SBF2: variants seen among roughly 807,000 people sequenced by gnomAD.
The protein encoded by SBF2 is myotubularin-related protein 13.
In SBF2, 112 loss-of-function variants were observed where a neutral mutation model predicts 225.2. The ratio of observed to expected loss-of-function variants is 0.50; its 90% CI spans 0.43 to 0.58. SBF2 has a LOEUF of 0.58. SBF2 is among the 20% of genes least tolerant of loss of function. The pLI is 0.00. For synonymous variants in SBF2, 763 were observed against 773.3 expected (o/e 0.99, Z 0.22); for missense variants, 1,996 against 2,206.2 (o/e 0.90, Z 1.91).
intron 16 of SBF2, among the ~76,000 whole-genome samples, chr11:9,935,943 A>G (rs899054744): frequency 7.2e-5 from 11 of 152,218 alleles, no homozygotes; most frequent in Admixed American, 7.2e-4. Context: ...CAACAAAACC[A>G]AAATAGACAA....
chr11:10,113,672 A>G (rs1441592547), intron 2 of SBF2, among the ~76,000 whole-genome samples: 1 of 152,130 alleles, frequency 6.6e-6, no homozygotes, highest in African/African-American at 2.4e-5. Flanking sequence ...TACATTAGGT[A>G]GAGATGTGTG....
At chr11:9,906,657 C>T (rs1486437884) in intron 16 of SBF2, among the ~76,000 whole-genome samples, 1 of 152,116 alleles carries the variant, frequency 6.6e-6, no homozygotes, top group Non-Finnish European at 1.5e-5. Flanking sequence ...ACACAGCAAC[C>T]GCATTCCAGA....
intron 16 of SBF2, among the ~76,000 whole-genome samples, chr11:9,926,623 C>T (rs1363190400): frequency 6.6e-6 from 1 of 151,890 alleles, no homozygotes; most frequent in Non-Finnish European, 1.5e-5. Context: ...ATAATATAAA[C>T]TACATAACAT....
intron 2 of SBF2, among the ~76,000 whole-genome samples, chr11:10,167,434 T>C (rs987285851): frequency 5.3e-5 from 8 of 152,280 alleles, no homozygotes; most frequent in African/African-American, 1.9e-4. Context: ...CTGGGCAAGG[T>C]GGCTCATGCC....
intron 32 of SBF2, among the ~76,000 whole-genome samples, chr11:9,805,245 C>A (rs374916401): frequency 1.3e-3 from 184 of 136,922 alleles, no homozygotes; most frequent in South Asian, 1.2e-3. Flanking sequence ...GACTCTGTCT[C>A]AAAAAAAAAA....
chr11:9,802,798 A>G (rs1446994732), intron 32 of SBF2, among the ~76,000 whole-genome samples: 1 of 152,242 alleles, frequency 6.6e-6, no homozygotes, highest in Non-Finnish European at 1.5e-5. Flanking sequence ...TTTGCTAACT[A>G]TAGTCTTCTT....
chr11:9,798,357 C>T (rs944175383), intron 32 of SBF2, among the ~76,000 whole-genome samples: 1 of 152,156 alleles, frequency 6.6e-6, no homozygotes, highest in Non-Finnish European at 1.5e-5. Context: ...AACAGCCCCA[C>T]CCCAAGGAGC....
chr11:10,186,371 GA>G (rs1222857969), intron 2 of SBF2, among the ~76,000 whole-genome samples: 1 of 152,154 alleles, frequency 6.6e-6, no homozygotes, highest in East Asian at 1.9e-4. Flanking sequence ...CTGTCTCTAA[GA>G]AAAATAAGAA....
chr11:10,231,958 A>T (rs1958868582), intron 1 of SBF2, among the ~76,000 whole-genome samples: 1 of 152,322 alleles, frequency 6.6e-6, no homozygotes, highest in South Asian at 2.1e-4. Context: ...GGCTCCACCC[A>T]GTTCGAGCTT....
intron 6 of SBF2, among the ~76,000 whole-genome samples, chr11:10,021,989 T>G (rs1302755241): frequency 6.6e-6 from 1 of 152,208 alleles, no homozygotes; most frequent in Non-Finnish European, 1.5e-5. Flanking sequence ...CAAAAGATAA[T>G]GAAGCTGAAA....
intron 2 of SBF2, among the ~76,000 whole-genome samples, chr11:10,119,647 G>A (rs1312913067): frequency 1.3e-5 from 2 of 151,948 alleles, no homozygotes; most frequent in Non-Finnish European, 2.9e-5. Flanking sequence ...AACTCTGATG[G>A]CTAAATTAAT....
chr11:9,817,013 T>C lies in SBF2; in HGVS notation c.3805A>G (p.Ser1269Gly), dbSNP rs1221684685. The C allele has an allele frequency of 1.2e-6, 2 of 1,614,110 alleles. No homozygotes were observed. Among genetic ancestry groups the C allele is most frequent in the South Asian group, 2.2e-5 (2 of 91,076 alleles). ...AFALSPGVWA[S>G]LRSSTRLISS... ...ATCAAGCGAGTGCTAGAGCGAAGAC[T>C]TGCCCACACACCTTCACAAAAGCCA... The change falls in exon 29 of 40, where the codon AGT becomes GGT. Residue 1269 changes from serine (S) to glycine (G), a missense_variant. By Grantham distance (56) the Ser-to-Gly change is moderately conservative. Transcript: ENST00000256190.
chr11:10,210,338 AAGAAG>A (rs1005030594), intron 1 of SBF2, among the ~76,000 whole-genome samples: 2 of 151,844 alleles, frequency 1.3e-5, no homozygotes, highest in Non-Finnish European at 2.9e-5. Flanking sequence ...GAAAAGAAAG[AAGAAG>A]AGAAGAGGAA....
intron 2 of SBF2, among the ~76,000 whole-genome samples, chr11:10,173,296 G>A (rs994865515): frequency 2.6e-5 from 4 of 152,166 alleles, no homozygotes; most frequent in African/African-American, 9.7e-5. Context: ...CAGGTCAGTG[G>A]GTGCGTGCAC....
intron 2 of SBF2, among the ~76,000 whole-genome samples, chr11:10,078,461 G>A (rs1255431527): frequency 6.6e-6 from 1 of 152,168 alleles, no homozygotes; most frequent in Non-Finnish European, 1.5e-5. Flanking sequence ...AAAAAAGGAT[G>A]AGTTCATGTC....
intron 33 of SBF2, among the ~76,000 whole-genome samples, chr11:9,791,653 T>C (rs911873304): frequency 6.6e-6 from 1 of 152,216 alleles, no homozygotes; most frequent in African/African-American, 2.4e-5. Flanking sequence ...GCCCGAGATA[T>C]TAGTTATTTT....
chr11:10,063,379 A>T (rs953687046), intron 2 of SBF2, among the ~76,000 whole-genome samples: 2 of 149,504 alleles, frequency 1.3e-5, no homozygotes, highest in African/African-American at 4.9e-5. Flanking sequence ...TTTTTTTGAG[A>T]CAGAGTCTTG....
chr11:9,925,435 G>A (rs560825402), intron 16 of SBF2, among the ~76,000 whole-genome samples: 69 of 152,184 alleles, frequency 4.5e-4, no homozygotes, highest in African/African-American at 1.6e-3. Context: ...GCGCCACCAC[G>A]CCCGACTAAT....
chr11:10,272,266 G>A lies in SBF2; in HGVS notation c.55+21749C>T, dbSNP rs1224884929. The A allele has an allele frequency of 1.7e-5, 19 of 1,133,830 alleles. 8 individuals carry two copies. Among genetic ancestry groups the A allele is most frequent in the African/African-American group, 1.0e-4 (7 of 67,932 alleles). The allele number at this position is 1,133,830 out of a possible 1,614,324, so 70.2% of individuals were successfully genotyped here. On this transcript the variant is annotated intron_variant, in intron 1 of 39. Coordinates refer to ENST00000256190, the MANE Select transcript of SBF2 (RefSeq NM_030962.4). ...CGCTAGCCCCGGAGGACATGGCGGC[G>A]GCGCTGGGCTCCTAGGGGCTGCAGC...
Sources: allele counts gnomAD v4.1 joint callset (sites outside exome capture counted in the v4.1 genomes callset), GRCh38; gene constraint gnomAD v4.1.1; transcripts MANE v1.5; gene names NCBI Gene and HGNC (gene_info 2026-07-23, HGNC 2026-07-21).